Variants in UNC5D observed in about 807,000 individuals in gnomAD.
UNC5D encodes unc-5 netrin receptor D.
Under a neutral mutation model 105.4 loss-of-function variants are expected in UNC5D, and 39 were observed. That is an observed-to-expected ratio of 0.37 (90% CI 0.29 to 0.48). The LOEUF (loss-of-function observed/expected upper bound fraction) is 0.48. UNC5D is among the 20% of genes least tolerant of loss of function. UNC5D has a pLI of 0.98. For missense variants in UNC5D, 991 were observed against 1,202.4 expected (o/e 0.82, Z 2.60); for synonymous variants, 452 against 450.4 (o/e 1.00, Z -0.04).
At chr8:35,735,133 A>G (rs372667062) in intron 11 of UNC5D, among the ~76,000 whole-genome samples, 15 of 152,272 alleles carry the variant, frequency 9.9e-5, no homozygotes, top group South Asian at 8.3e-4. Flanking sequence ...AAAATCAACA[A>G]TGTCATTTCA....
chr8:35,616,569 G>T (rs572192303), intron 4 of UNC5D, among the ~76,000 whole-genome samples: 2 of 152,270 alleles, frequency 1.3e-5, no homozygotes, highest in Admixed American at 6.5e-5. Context: ...GGTTTGGCAG[G>T]GTTGCTTAGT....
intron 1 of UNC5D, among the ~76,000 whole-genome samples, chr8:35,484,764 C>T (rs2589329): frequency 0.25 from 37,319 of 152,002 alleles, 5,062 homozygotes; most frequent in African/African-American, 0.37. Flanking sequence ...ATACTATCTG[C>T]GGCCGCTATA....
chr8:35,522,571 G>C (rs1208810719), intron 1 of UNC5D, among the ~76,000 whole-genome samples: 1 of 152,182 alleles, frequency 6.6e-6, no homozygotes, highest in Non-Finnish European at 1.5e-5. Context: ...TTGGGTTTAA[G>C]TGTCAGATTT....
intron 4 of UNC5D, among the ~76,000 whole-genome samples, chr8:35,629,813 G>A (rs553331424): frequency 6.6e-4 from 100 of 152,140 alleles, no homozygotes; most frequent in Non-Finnish European, 1.1e-3. Flanking sequence ...TGTATTGTCT[G>A]TTTTTTACAA....
chr8:35,534,944 C>T (rs1814722540), intron 1 of UNC5D, among the ~76,000 whole-genome samples: 1 of 151,990 alleles, frequency 6.6e-6, no homozygotes, highest in African/African-American at 2.4e-5. Context: ...CTAGATGTTA[C>T]CTCTGTTAGG....
At chr8:35,571,393 A>G (rs1219633129) in intron 3 of UNC5D, among the ~76,000 whole-genome samples, 1 of 152,210 alleles carries the variant, frequency 6.6e-6, no homozygotes, top group African/African-American at 2.4e-5. Flanking sequence ...GTTTCTTCTC[A>G]TGTAGCAAGT....
chr8:35,686,512 T>C, intron 6 of UNC5D, 33 bp from the exon 7 acceptor site: 1 of 1,530,434 alleles, frequency 6.5e-7, no homozygotes, highest in Non-Finnish European at 8.7e-7. Flanking sequence ...CTTGATTCAT[T>C]CTAACAATGG....
intron 1 of UNC5D, among the ~76,000 whole-genome samples, chr8:35,420,280 A>G (rs1362583159): frequency 6.6e-6 from 1 of 152,204 alleles, no homozygotes; most frequent in Non-Finnish European, 1.5e-5. Context: ...AATTTAAAGC[A>G]TTCATAAACC....
intron 1 of UNC5D, among the ~76,000 whole-genome samples, chr8:35,248,173 AATATATATAATATAT>A (rs1803309139): frequency 6.4e-5 from 1 of 15,530 alleles, no homozygotes; most frequent in Non-Finnish European, 1.0e-4. Context: ...TATATTATAT[AATATATATAATATAT>A]AAATATATAT....
chr8:35,302,847 A>T (rs1449139203), intron 1 of UNC5D, among the ~76,000 whole-genome samples: 3 of 152,156 alleles, frequency 2.0e-5, no homozygotes, highest in Non-Finnish European at 4.4e-5. Flanking sequence ...ATATGTATAC[A>T]TTTTAATGTT....
chr8:35,599,169 A>T (rs1031635637), intron 4 of UNC5D, among the ~76,000 whole-genome samples: 5 of 140,758 alleles, frequency 3.6e-5, no homozygotes, highest in Admixed American at 7.1e-5. Flanking sequence ...AAAAAAAAAA[A>T]GCTGAAGTCA....
intron 4 of UNC5D, among the ~76,000 whole-genome samples, chr8:35,629,927 A>G (rs1821936708): frequency 6.6e-6 from 1 of 152,226 alleles, no homozygotes. Flanking sequence ...ACTTACGGGT[A>G]ACCCTAAGAT....
chr8:35,784,944 G>A (rs1486891271), intron 16 of UNC5D, among the ~76,000 whole-genome samples: 1 of 152,016 alleles, frequency 6.6e-6, no homozygotes, highest in African/African-American at 2.4e-5. Context: ...TCTAAGATGA[G>A]GGTAGTAAGC....
In UNC5D at chr8:35,549,832, G is replaced by A. The variant is rs138749294; in HGVS notation, c.322+322G>A. On this transcript the variant is annotated intron_variant, in intron 2 of 16. Coordinates refer to ENST00000404895, the MANE Select transcript of UNC5D (RefSeq NM_080872.4). ...TGTTTGCAGAATTCTGAATATTTTT[G>A]AGGACAAATATTAAATCTTGCATCA... Among the ~76,000 whole-genome samples, 489 of 152,130 alleles carry A rather than the reference G, an allele frequency of 3.2e-3. 4 individuals carry two copies. Among genetic ancestry groups the A allele is most frequent in the African/African-American group, 0.011 (447 of 41,516 alleles).
chr8:35,490,638 A>G (rs921570854), intron 1 of UNC5D, among the ~76,000 whole-genome samples: 1 of 152,184 alleles, frequency 6.6e-6, no homozygotes, highest in African/African-American at 2.4e-5. Context: ...ATGGTAATAT[A>G]TTTAAGCATA....
intron 2 of UNC5D, among the ~76,000 whole-genome samples, chr8:35,567,218 T>C (rs1444739609): frequency 6.6e-6 from 1 of 152,312 alleles, no homozygotes; most frequent in East Asian, 1.9e-4. Flanking sequence ...CTGGGTTCTC[T>C]TCTCAGGGCT....
At chr8:35,537,702 AAAAAT>A (rs1244285547) in intron 1 of UNC5D, among the ~76,000 whole-genome samples, 5 of 150,400 alleles carry the variant, frequency 3.3e-5, no homozygotes, top group Non-Finnish European at 5.9e-5. Flanking sequence ...GTAAATAAAT[AAAAAT>A]AAAATAATAA....
chr8:35,580,856 A>G (rs1312761119), intron 3 of UNC5D, among the ~76,000 whole-genome samples: 1 of 152,188 alleles, frequency 6.6e-6, no homozygotes, highest in African/African-American at 2.4e-5. Context: ...TAATGATTTG[A>G]GGAATAGATG....
chr8:35,323,321 C>G (rs1351631438), intron 1 of UNC5D, among the ~76,000 whole-genome samples: 1 of 151,236 alleles, frequency 6.6e-6, no homozygotes, highest in Non-Finnish European at 1.5e-5. Flanking sequence ...AAAGGAGTGG[C>G]TACCTAATTG....
Sources: gnomAD v4.1 joint callset for allele counts (sites outside exome capture counted in the v4.1 genomes callset) on GRCh38, gnomAD v4.1.1 for gene constraint, MANE v1.5 for transcripts, NCBI Gene and HGNC (gene_info 2026-07-23, HGNC 2026-07-21) for gene names.